Variants in CEPT1 observed in about 807,000 individuals in gnomAD.
CEPT1 encodes the protein choline/ethanolaminephosphotransferase 1.
In CEPT1, 7 loss-of-function variants were observed where a neutral mutation model predicts 42.6. That is an observed-to-expected ratio of 0.16 (90% CI 0.09 to 0.31). The LOEUF is 0.31. CEPT1 is among the 10% of genes least tolerant of loss of function. CEPT1 has a pLI of 1.00. For synonymous variants in CEPT1, 171 were observed against 171.9 expected (o/e 0.99, Z 0.04); for missense variants, 306 against 502.1 (o/e 0.61, Z 3.73).
At position 111,161,426 on chromosome 1, in the gene CEPT1, A is replaced by G. The variant is rs559005805; in HGVS notation, c.629+130A>G. ...TAATAAATTAAAAAATTTATGCTTC[A>G]TTATTATAGCTATTTCCTAATAGTC... On this transcript the variant is annotated intron_variant, in intron 4 of 8. Coordinates refer to ENST00000357172, the MANE Select transcript of CEPT1 (RefSeq NM_006090.5). 1.9e-4 allele frequency: 159 copies of G among 834,196 alleles called. No homozygotes were observed. The African/African-American group carries it at 2.5e-3, about 13-fold the overall frequency. 51.7% of individuals were successfully genotyped at this position (834,196 alleles called of 1,614,324 possible). A position where few individuals can be genotyped will look rare whatever the true frequency, so the allele number is the denominator to read the frequency against.
intron 1 of CEPT1, among the ~76,000 whole-genome samples, chr1:111,142,342 A>G (rs962852182): frequency 2.4e-4 from 36 of 152,190 alleles, no homozygotes; most frequent in African/African-American, 2.4e-5. Flanking sequence ...TAGCATTCAT[A>G]ACTTAGCTGT....
intron 2 of CEPT1, among the ~76,000 whole-genome samples, chr1:111,152,052 G>GT (rs1297031134): frequency 6.6e-6 from 1 of 152,160 alleles, no homozygotes; most frequent in Non-Finnish European, 1.5e-5. Context: ...GAAAAAGGAA[G>GT]TTGGTGTTAA....
chr1:111,168,463 T>C (rs1274399010), intron 4 of CEPT1, among the ~76,000 whole-genome samples: 2 of 151,526 alleles, frequency 1.3e-5, no homozygotes, highest in African/African-American at 2.4e-5. Flanking sequence ...ACAGAAATAG[T>C]GAATTCCTTG....
chr1:111,182,009 A>T, intron 5 of CEPT1, 178 bp from the exon 6 acceptor site: 1 of 405,794 alleles, frequency 2.5e-6, no homozygotes. Context: ...AAATAGTCTC[A>T]ACTCTTGAGA....
At chr1:111,150,033 G>A (rs1655184154) in intron 2 of CEPT1, among the ~76,000 whole-genome samples, 1 of 152,186 alleles carries the variant, frequency 6.6e-6, no homozygotes, top group South Asian at 2.1e-4. Context: ...AGTTGTGATG[G>A]TTCAGAATGG....
At chr1:111,159,271 T>C in intron 2 of CEPT1, 109 bp from the exon 3 acceptor site, 2 of 998,904 alleles carry the variant, frequency 2.0e-6, no homozygotes, top group Non-Finnish European at 3.0e-6. Flanking sequence ...ACTTGGATCT[T>C]CTCTCCCATA....
At chr1:111,151,498 A>C (rs1264759833) in intron 2 of CEPT1, among the ~76,000 whole-genome samples, 1 of 152,190 alleles carries the variant, frequency 6.6e-6, no homozygotes, top group African/African-American at 2.4e-5. Context: ...TTTGGTCCAG[A>C]AAGGCGGGAC....
At chr1:111,145,488 T>C (rs926723884) in intron 1 of CEPT1, among the ~76,000 whole-genome samples, 1 of 152,224 alleles carries the variant, frequency 6.6e-6, no homozygotes, top group East Asian at 1.9e-4. Flanking sequence ...ATTAGTAACA[T>C]TGAAATTTTG....
At chr1:111,172,446 C>T (rs1656467380) in intron 4 of CEPT1, among the ~76,000 whole-genome samples, 1 of 152,074 alleles carries the variant, frequency 6.6e-6, no homozygotes, top group South Asian at 2.1e-4. Flanking sequence ...AATATTCTGT[C>T]CTCTAAATAA....
chr1:111,170,378 T>G (rs1656359373), intron 4 of CEPT1, among the ~76,000 whole-genome samples: 1 of 152,196 alleles, frequency 6.6e-6, no homozygotes, highest in Non-Finnish European at 1.5e-5. Flanking sequence ...GTCATTCATG[T>G]GGTAGGTAAT....
At position 111,141,050 on chromosome 1, in the gene CEPT1, A is replaced by G. The variant is rs142775180; in HGVS notation, c.-74+743A>G. 3.4e-3 allele frequency among the ~76,000 whole-genome samples: 519 copies of G among 152,354 alleles called. 1 individual carries two copies. Among genetic ancestry groups the G allele is most frequent in the Admixed American group, 6.9e-3 (105 of 15,304 alleles). ...ATTTTGCATCATTAGTATTGAATAT[A>G]TAATTTTGCTTGAAGTCTTTTAATC... On this transcript the variant is annotated intron_variant, in intron 1 of 8. Coordinates refer to ENST00000357172, the MANE Select transcript of CEPT1 (RefSeq NM_006090.5).
At chr1:111,152,521 G>A (rs1405691719) in intron 2 of CEPT1, among the ~76,000 whole-genome samples, 1 of 151,984 alleles carries the variant, frequency 6.6e-6, no homozygotes, top group Non-Finnish European at 1.5e-5. Context: ...AGCAACATGT[G>A]GAACACACAG....
chr1:111,141,999 CACA>C (rs1654646895), intron 1 of CEPT1, among the ~76,000 whole-genome samples: 1 of 151,816 alleles, frequency 6.6e-6, no homozygotes, highest in African/African-American at 2.4e-5. Flanking sequence ...TGGAATTTCA[CACA>C]ACAGGTTGTG....
chr1:111,182,113 G>A, intron 5 of CEPT1, 74 bp from the exon 6 acceptor site: 3 of 1,223,890 alleles, frequency 2.5e-6, no homozygotes, highest in Non-Finnish European at 3.4e-6. Context: ...TTGGGAATAT[G>A]AATCAAATAT....
In CEPT1 at chr1:111,147,649, C is replaced by A. The variant is rs1285409142; in HGVS notation, c.-66C>A. The A allele has an allele frequency of 1.7e-6, 2 of 1,160,086 alleles. No individual in the cohort carries two copies. Among genetic ancestry groups the A allele is most frequent in the Admixed American group, 2.5e-5 (1 of 40,074 alleles). The allele number at this position is 1,160,086 out of a possible 1,614,324, so 71.9% of individuals were successfully genotyped here. On this transcript the variant is annotated 5_prime_UTR_variant, in exon 2 of 9. Transcript: ENST00000357172. Reference sequence around the variant, plus strand: ...TTTTATTTTATTTTTTAGGTAAGCACCAGCCACAAAAACCTACAAAAGAAG... The same window carrying A: ...TTTTATTTTATTTTTTAGGTAAGCAACAGCCACAAAAACCTACAAAAGAAG...
Position 111,147,960 on chromosome 1 carries a change from G to A in CEPT1, c.246G>A (p.Trp82Ter). 1 of 1,614,074 alleles carries A rather than the reference G, an allele frequency of 6.2e-7. No individual in the cohort carries two copies. The highest frequency in any genetic ancestry group is 8.5e-7 in the Non-Finnish European group (1 of 1,179,992). The change falls in exon 2 of 9, where the codon TGG becomes TGA. Residue 82 changes from tryptophan to a stop codon, truncating the protein, a stop_gained. Coordinates refer to ENST00000357172, the MANE Select transcript of CEPT1 (RefSeq NM_006090.5). LOFTEE classifies it high-confidence loss of function. Reference protein sequence around the residue: ...WEWLVRRVPSWIAPNLITIIG... With the variant: ...WEWLVRRVPS ...GGCTCGTTAGAAGAGTTCCCTCCTG[G>A]ATTGCCCCAAATCTCATCACCATCA...
intron 5 of CEPT1, 132 bp from the exon 6 acceptor site, chr1:111,182,055 A>G (rs1452705640): frequency 1.7e-6 from 1 of 578,050 alleles, no homozygotes; most frequent in East Asian, 3.3e-5. Context: ...GGAAAAGGAC[A>G]CTTTCATTAC....
intron 2 of CEPT1, among the ~76,000 whole-genome samples, chr1:111,150,298 A>G (rs1368556167): frequency 6.6e-6 from 1 of 152,210 alleles, no homozygotes; most frequent in Non-Finnish European, 1.5e-5. Context: ...ATGATCATAC[A>G]TTCAGGGTAC....
At chr1:111,141,709 G>C (rs909955205) in intron 1 of CEPT1, among the ~76,000 whole-genome samples, 3 of 152,102 alleles carry the variant, frequency 2.0e-5, no homozygotes, top group Admixed American at 6.5e-5. Flanking sequence ...CCCTGTTTTT[G>C]CTTCCAAGTC....
Sources: gnomAD v4.1 joint callset for allele counts (sites outside exome capture counted in the v4.1 genomes callset) on GRCh38, gnomAD v4.1.1 for gene constraint, MANE v1.5 for transcripts, NCBI Gene and HGNC (gene_info 2026-07-23, HGNC 2026-07-21) for gene names.